The following TGFBR3 variants were observed in gnomAD, a reference collection of about 807,000 sequenced individuals.
TGFBR3 encodes transforming growth factor beta receptor type 3.
A neutral mutation model predicts 87.9 loss-of-function variants in TGFBR3; 46 were observed. The observed-to-expected ratio is 0.52, with a 90% CI of 0.41 to 0.67. The LOEUF is 0.67. TGFBR3 is among the 30% of genes least tolerant of loss of function. The probability of loss-of-function intolerance (pLI) is 0.00; values close to 1 mark genes in which losing one functional copy is unlikely to be tolerated. For missense variants in TGFBR3, 866 were observed against 1,041.9 expected (o/e 0.83, Z 2.32); for synonymous variants, 381 against 391.6 (o/e 0.97, Z 0.32).
Position 91,902,821 on chromosome 1 carries a change from G to T in TGFBR3, c.-175+3005C>A, listed in dbSNP as rs2479874. On this transcript the variant is annotated intron_variant, in intron 1 of 17. Transcript: ENST00000370399. ...ATGATGGAGGTCAGGAGTAGAGTTC[G>T]CATCAGAGACTTAGTTTAGGAAAGG... is the stretch of plus-strand genomic sequence containing the variant. 4.9e-3 allele frequency among the ~76,000 whole-genome samples: 749 copies of T among 152,032 alleles called. 4 individuals are homozygous for T. The highest frequency in any genetic ancestry group is 0.017 in the African/African-American group (725 of 41,472).
chr1:91,837,175 A>G (rs921715412), intron 2 of TGFBR3, among the ~76,000 whole-genome samples: 1 of 152,122 alleles, frequency 6.6e-6, no homozygotes, highest in Admixed American at 6.6e-5. Context: ...TTAAAACCAA[A>G]GAACCAAAAT....
intron 2 of TGFBR3, among the ~76,000 whole-genome samples, chr1:91,823,237 A>G (rs1467727895): frequency 6.6e-6 from 1 of 152,190 alleles, no homozygotes; most frequent in Non-Finnish European, 1.5e-5. Context: ...CTTAAGAATT[A>G]ATATAATCTA....
chr1:91,814,556 G>A (rs1056086706), intron 2 of TGFBR3, among the ~76,000 whole-genome samples: 1 of 151,992 alleles, frequency 6.6e-6, no homozygotes, highest in Non-Finnish European at 1.5e-5. Context: ...ATAAGAACAT[G>A]CACAACTGAC....
intron 2 of TGFBR3, among the ~76,000 whole-genome samples, chr1:91,833,450 A>T (rs1440702866): frequency 8.2e-6 from 1 of 121,278 alleles, no homozygotes; most frequent in Non-Finnish European, 1.7e-5. Flanking sequence ...GACAGAGCAA[A>T]GCTCTGTCTC....
chr1:91,905,376 A>G (rs1214306993), intron 1 of TGFBR3, among the ~76,000 whole-genome samples: 3 of 152,166 alleles, frequency 2.0e-5, no homozygotes, highest in African/African-American at 7.2e-5. Context: ...CAGTTATCCA[A>G]AAGAGATTGT....
chr1:91,900,061 T>TA (rs1570349402), intron 1 of TGFBR3, among the ~76,000 whole-genome samples: 3 of 152,296 alleles, frequency 2.0e-5, no homozygotes, highest in East Asian at 3.9e-4. Context: ...AAAAAGATTC[T>TA]GAAATATACT....
intron 1 of TGFBR3, among the ~76,000 whole-genome samples, chr1:91,902,594 ATTTTTTTTTTCTTTTCTTTC>A (rs1679750464): frequency 6.8e-6 from 1 of 146,480 alleles, no homozygotes; most frequent in East Asian, 2.0e-4. Flanking sequence ...AGTGCAGTTT[ATTTTTTTTTTCTTTTCTTTC>A]TTTTTTTTTT....
intron 2 of TGFBR3, among the ~76,000 whole-genome samples, chr1:91,814,953 C>T (rs1008123180): frequency 6.6e-6 from 1 of 152,134 alleles, no homozygotes; most frequent in African/African-American, 2.4e-5. Flanking sequence ...AATTAACCTC[C>T]AACACCCTCC....
At position 91,682,534 on chromosome 1, in the gene TGFBR3, A is replaced by G; in HGVS notation, c.*1205T>C. On this transcript the variant is annotated 3_prime_UTR_variant, in exon 17 of 17. Transcript: ENST00000212355. ...TTGACATATTAAATATATGGGATAT[A>G]TTTAAGGCAAGAGAAGTAAGGCAAT... is the stretch of plus-strand genomic sequence containing the variant. The G allele has an allele frequency of 2.2e-6, 1 of 452,782 alleles. No homozygotes were observed. Among genetic ancestry groups the G allele is most frequent in the Non-Finnish European group, 4.4e-6 (1 of 226,632 alleles). 28.0% of individuals were successfully genotyped at this position (452,782 alleles called of 1,614,324 possible).
chr1:91,706,540 G>A (rs2391027), intron 14 of TGFBR3, among the ~76,000 whole-genome samples: 55,308 of 152,072 alleles, frequency 0.36, 10,410 homozygotes, highest in East Asian at 0.46. Flanking sequence ...CCCTAGTTCC[G>A]GGAATTGCCT....
chr1:91,802,738 A>G (rs977862393), intron 2 of TGFBR3, among the ~76,000 whole-genome samples: 3 of 151,948 alleles, frequency 2.0e-5, no homozygotes, highest in Non-Finnish European at 4.4e-5. Context: ...TGGACACCCA[A>G]TCTCAACATG....
intron 4 of TGFBR3, among the ~76,000 whole-genome samples, chr1:91,749,068 C>T (rs1673444188): frequency 6.6e-6 from 1 of 152,136 alleles, no homozygotes; most frequent in Admixed American, 6.5e-5. Context: ...TCATTCCTCA[C>T]TATGGCAGGA....
At chr1:91,820,776 CAG>C (rs1676421169) in intron 2 of TGFBR3, among the ~76,000 whole-genome samples, 1 of 152,164 alleles carries the variant, frequency 6.6e-6, no homozygotes, top group Admixed American at 6.5e-5. Flanking sequence ...TTTGTACAGA[CAG>C]AAATATCTTA....
chr1:91,720,637 C>T (rs1316900845), intron 8 of TGFBR3, among the ~76,000 whole-genome samples: 2 of 152,186 alleles, frequency 1.3e-5, no homozygotes, highest in Non-Finnish European at 2.9e-5. Context: ...GTTTTAGTCT[C>T]TCCATGTGTA....
At chr1:91,753,846 C>A (rs1188124645) in intron 4 of TGFBR3, among the ~76,000 whole-genome samples, 1 of 152,210 alleles carries the variant, frequency 6.6e-6, no homozygotes, top group Non-Finnish European at 1.5e-5. Flanking sequence ...ATCCACTCAT[C>A]TGTTGGTAGA....
At position 91,723,204 on chromosome 1, in the gene TGFBR3, G is replaced by T. The variant is rs1010750205; in HGVS notation, c.886-1060C>A. Among the ~76,000 whole-genome samples the T allele has an allele frequency of 2.0e-5, 3 of 152,124 alleles. 1 individual carries two copies. Among genetic ancestry groups the T allele is most frequent in the Non-Finnish European group, 4.4e-5 (3 of 68,020 alleles). On this transcript the variant is annotated intron_variant, in intron 7 of 16. Transcript: ENST00000212355. ...GGTCTTAAGATTAGCTTTCAGGGAT[G>T]GGTGCAATACTTCACACCTATAATA...
intron 2 of TGFBR3, among the ~76,000 whole-genome samples, chr1:91,822,288 A>G (rs1676475496): frequency 9.7e-6 from 1 of 103,014 alleles, no homozygotes; most frequent in South Asian, 4.0e-4. Flanking sequence ...AGAAGAGCAA[A>G]GCATTAAAAA....
At chr1:91,696,692 G>A (rs1232475389) in intron 15 of TGFBR3, among the ~76,000 whole-genome samples, 1 of 152,142 alleles carries the variant, frequency 6.6e-6, no homozygotes, top group Non-Finnish European at 1.5e-5. Flanking sequence ...AGGTCTCTGG[G>A]TTTTGAATAT....
At chr1:91,887,540 A>G (rs1679359845), upstream of TGFBR3, among the ~76,000 whole-genome samples, 1 of 152,150 alleles carries the variant, frequency 6.6e-6, no homozygotes, top group African/African-American at 2.4e-5. Context: ...TGCTGGGATT[A>G]GAGGCGTTAG....
Sources: gnomAD v4.1 joint callset for allele counts (sites outside exome capture counted in the v4.1 genomes callset) on GRCh38, gnomAD v4.1.1 for gene constraint, MANE v1.5 for transcripts, NCBI Gene and HGNC (gene_info 2026-07-23, HGNC 2026-07-21) for gene names.